MPDZ: variants seen among roughly 807,000 people sequenced by gnomAD.
The protein encoded by MPDZ is multiple PDZ domain crumbs cell polarity complex component.
A neutral mutation model predicts 239.1 loss-of-function variants in MPDZ; 234 were observed. The observed-to-expected ratio is 0.98, with a 90% confidence interval of 0.88 to 1.09. MPDZ has a LOEUF of 1.09. Ranked by LOEUF, MPDZ falls within the 50% of genes least tolerant of loss-of-function variation. MPDZ has a pLI of 0.00. For synonymous variants in MPDZ, 1,048 were observed against 881.3 expected, an observed-to-expected ratio of 1.19 and a Z score of -3.35; for missense variants, 3,175 against 2,510.0, an observed-to-expected ratio of 1.26 and a Z score of -5.66.
chr9:13,165,408 T>A, intron 22 of MPDZ: 1 of 1,548,994 alleles, frequency 6.5e-7, no homozygotes, highest in Non-Finnish European at 8.7e-7. Context: ...CTGCAGAAAA[T>A]CTAGAATGTG....
chr9:13,199,374 T>C (rs946539108), intron 12 of MPDZ, among the ~76,000 whole-genome samples: 2 of 152,108 alleles, frequency 1.3e-5, no homozygotes, highest in Non-Finnish European at 2.9e-5. Context: ...CTTTACTAAA[T>C]TCATGTATCA....
intron 1 of MPDZ, among the ~76,000 whole-genome samples, chr9:13,268,950 A>G (rs1232716299): frequency 1.3e-5 from 2 of 152,244 alleles, no homozygotes; most frequent in African/African-American, 2.4e-5. Flanking sequence ...AATTCTTGCA[A>G]TAGTGTAAAT....
rs549547518 is a variant in MPDZ at position 13,174,770 on chromosome 9, T to C, written c.3055+982A>G. ...CTTTGTATCATCATCCTATTAAACA[T>C]AACGTACATAAGAAATATTACAACA... On this transcript the variant is annotated intron_variant, in intron 21 of 46. Transcript: ENST00000319217. Among the ~76,000 whole-genome samples the C allele has an allele frequency of 2.6e-5, 4 of 152,248 alleles. No homozygotes were observed. The East Asian group carries it at 7.7e-4, about 29-fold the overall frequency.
At chr9:13,137,804 GGTT>G (rs1947049741) in intron 29 of MPDZ, among the ~76,000 whole-genome samples, 150 bp downstream of exon 29, 2 of 152,132 alleles carry the variant, frequency 1.3e-5, no homozygotes, top group Non-Finnish European at 2.9e-5. Context: ...GTAGAAATTT[GGTT>G]TAGAGCCAGA....
intron 3 of MPDZ, among the ~76,000 whole-genome samples, chr9:13,247,243 G>A (rs550382749): frequency 5.9e-5 from 9 of 152,224 alleles, no homozygotes; most frequent in African/African-American, 1.9e-4. Flanking sequence ...GCAAATCCAC[G>A]CTTATCTGAA....
At chr9:13,242,860 A>G (rs1162498310) in intron 3 of MPDZ, among the ~76,000 whole-genome samples, 1 of 152,190 alleles carries the variant, frequency 6.6e-6, no homozygotes, top group Admixed American at 6.5e-5. Flanking sequence ...GATGTTTAAC[A>G]GCATCACTGA....
chr9:13,255,440 C>G (rs1969207271), intron 1 of MPDZ, among the ~76,000 whole-genome samples: 1 of 152,152 alleles, frequency 6.6e-6, no homozygotes, highest in Admixed American at 6.5e-5. Context: ...AAAAGGTTTT[C>G]CATTTACTTT....
chr9:13,271,710 CAA>C (rs1056844398), intron 1 of MPDZ, among the ~76,000 whole-genome samples: 1 of 152,046 alleles, frequency 6.6e-6, no homozygotes, highest in Non-Finnish European at 1.5e-5. Flanking sequence ...CTCACAAAAC[CAA>C]GAATGAATAC....
chr9:13,126,407 T>G, intron 34 of MPDZ, 109 bp downstream of exon 34: 1 of 618,922 alleles, frequency 1.6e-6, no homozygotes, highest in Non-Finnish European at 2.7e-6. Context: ...CTTAAGAACA[T>G]GTCTAATACA....
chr9:13,153,274 T>TATAACTCTAGAAACTCTA (rs1949424808), intron 24 of MPDZ, among the ~76,000 whole-genome samples: 1 of 152,114 alleles, frequency 6.6e-6, no homozygotes, highest in African/African-American at 2.4e-5. Flanking sequence ...ACTGCAAATC[T>TATAACTCTAGAAACTCTA]ATAACTCTAG....
intron 1 of MPDZ, among the ~76,000 whole-genome samples, chr9:13,264,756 G>A (rs1316594986): frequency 6.6e-6 from 1 of 151,446 alleles, no homozygotes; most frequent in East Asian, 1.9e-4. Context: ...CATTCATAAT[G>A]TTCCTTAATG....
Position 13,193,468 on chromosome 9 carries a change from C to G in MPDZ, c.1657-155G>C, listed in dbSNP as rs553324719. Among the ~76,000 whole-genome samples, 10 of 152,246 alleles carry G rather than the reference C, an allele frequency of 6.6e-5. No individual in the cohort carries two copies. In the South Asian group the frequency reaches 1.2e-3, roughly 19 times the overall value. ...AAAACTGCAAAGCTTTGGGGCTTTT[C>G]CTTTGAAAGAGTACTGGTGTCTTTT... On this transcript the variant is annotated intron_variant, in intron 13 of 46. Transcript: ENST00000319217.
intron 1 of MPDZ, among the ~76,000 whole-genome samples, chr9:13,254,053 T>C (rs1968793071): frequency 6.6e-6 from 1 of 152,214 alleles, no homozygotes; most frequent in Admixed American, 6.5e-5. Context: ...TACAATATGC[T>C]GCCTCTAGAA....
At chr9:13,147,162 C>T (rs370545426) in intron 26 of MPDZ, among the ~76,000 whole-genome samples, 2 of 151,982 alleles carry the variant, frequency 1.3e-5, no homozygotes, top group East Asian at 3.9e-4. Context: ...GAATAAATTT[C>T]AAGAAAATGT....
intron 25 of MPDZ, among the ~76,000 whole-genome samples, chr9:13,150,117 A>C (rs894563058): frequency 1.3e-5 from 2 of 152,086 alleles, no homozygotes; most frequent in Admixed American, 6.6e-5. Context: ...TGTAATCTTA[A>C]TTCAAAATTT....
chr9:13,137,152 C>T (rs553978524), intron 29 of MPDZ, among the ~76,000 whole-genome samples: 6 of 152,172 alleles, frequency 3.9e-5, no homozygotes, highest in African/African-American at 1.4e-4. Context: ...GAAAAACTTG[C>T]GACCTGCAAG....
intron 12 of MPDZ, among the ~76,000 whole-genome samples, chr9:13,196,896 T>A (rs1955719695): frequency 6.6e-6 from 1 of 151,956 alleles, no homozygotes; most frequent in Non-Finnish European, 1.5e-5. Context: ...AAGATTTCCA[T>A]ATTTCATAAC....
chr9:13,276,253 T>C (rs964797645), intron 1 of MPDZ, among the ~76,000 whole-genome samples: 3 of 152,204 alleles, frequency 2.0e-5, no homozygotes, highest in African/African-American at 7.2e-5. Flanking sequence ...AGGAAGGCAA[T>C]GGATTCCTCA....
At chr9:13,197,380 C>T (rs1955783723) in intron 12 of MPDZ, among the ~76,000 whole-genome samples, 1 of 152,088 alleles carries the variant, frequency 6.6e-6, no homozygotes. Context: ...CTCAGTAACA[C>T]TCCCGAGTAG....
Sources: allele counts gnomAD v4.1 joint callset (sites outside exome capture counted in the v4.1 genomes callset), GRCh38; gene constraint gnomAD v4.1.1; transcripts MANE v1.5; gene names NCBI Gene and HGNC (gene_info 2026-07-23, HGNC 2026-07-21).